Variants in CC2D2A observed in about 807,000 individuals in gnomAD.
The protein encoded by CC2D2A is coiled-coil and C2 domain-containing protein 2A.
In CC2D2A, 155 loss-of-function variants were observed where a neutral mutation model predicts 212.9. That is an observed-to-expected ratio of 0.73 (90% CI 0.64 to 0.83). The LOEUF is 0.83. Ranked by LOEUF, CC2D2A falls within the 40% of genes least tolerant of loss-of-function variation. CC2D2A has a pLI of 0.00. For missense variants in CC2D2A, 1,856 were observed against 1,956.2 expected, an observed-to-expected ratio of 0.95 and a Z score of 0.97; for synonymous variants, 667 against 686.5, an observed-to-expected ratio of 0.97 and a Z score of 0.44.
At chr4:15,587,650 G>C (rs549552451) in intron 31 of CC2D2A, among the ~76,000 whole-genome samples, 166 bp from the exon 32 acceptor site, 2 of 152,046 alleles carry the variant, frequency 1.3e-5, no homozygotes, top group African/African-American at 4.8e-5. Flanking sequence ...ACTAAAAGTG[G>C]TTTTTTAAAA....
chr4:15,559,743 CA>C (rs1719475812), intron 22 of CC2D2A, among the ~76,000 whole-genome samples: 1 of 152,096 alleles, frequency 6.6e-6, no homozygotes, highest in South Asian at 2.1e-4. Flanking sequence ...GCATTTTCCC[CA>C]TCCAGTGTTA....
chr4:15,516,081 A>G lies in CC2D2A; in HGVS notation c.1017+77A>G, dbSNP rs908073232. ...CTTTTATTTTCCTAACAGGGCAGTC[A>G]TTGCATCCACTGTACTCATTTCCTC... On this transcript the variant is annotated intron_variant, in intron 10 of 36. Transcript: ENST00000424120. The G allele has an allele frequency of 7.2e-6, 10 of 1,392,272 alleles. No homozygotes were observed. In the African/African-American group the frequency reaches 1.5e-4, roughly 20 times the overall value. The allele number at this position is 1,392,272 out of a possible 1,614,324, so 86.2% of individuals were successfully genotyped here.
chr4:15,481,507 T>G (rs572849622), intron 4 of CC2D2A: 1 of 187,390 alleles, frequency 5.3e-6, no homozygotes, highest in East Asian at 1.5e-4. Flanking sequence ...CAAGACTCCA[T>G]CTCAGAAAAC....
chr4:15,584,139 A>T (rs903505890), intron 30 of CC2D2A, among the ~76,000 whole-genome samples: 3 of 152,036 alleles, frequency 2.0e-5, no homozygotes, highest in African/African-American at 2.4e-5. Flanking sequence ...TCTTCACAGA[A>T]ATAGAAAAAA....
chr4:15,531,254 G>T (rs1717831978), intron 13 of CC2D2A, among the ~76,000 whole-genome samples: 1 of 152,146 alleles, frequency 6.6e-6, no homozygotes. Context: ...AAGTGGAATG[G>T]AACCTCTCAG....
intron 11 of CC2D2A, among the ~76,000 whole-genome samples, 188 bp downstream of exon 11, chr4:15,516,944 CTTTTTTTT>C (rs397992357): frequency 1.0e-5 from 1 of 95,792 alleles, no homozygotes; most frequent in East Asian, 3.3e-4. Flanking sequence ...TGCATCCCTT[CTTTTTTTT>C]TTTTTTTTTT....
At chr4:15,573,559 G>C (rs997034189) in intron 28 of CC2D2A, among the ~76,000 whole-genome samples, 4 of 152,220 alleles carry the variant, frequency 2.6e-5, no homozygotes, top group African/African-American at 9.6e-5. Context: ...CCAAAGTGCT[G>C]GGATATCTGG....
chr4:15,510,057 T>TG (rs915368131), intron 6 of CC2D2A, 82 bp from the exon 7 acceptor site: 24 of 999,330 alleles, frequency 2.4e-5, no homozygotes, highest in Admixed American at 1.6e-4. Context: ...GCCTTTGGGA[T>TG]GGGGGGGTTA....
chr4:15,546,982 C>G (rs1454803277), intron 17 of CC2D2A, among the ~76,000 whole-genome samples: 1 of 151,882 alleles, frequency 6.6e-6, no homozygotes, highest in Non-Finnish European at 1.5e-5. Flanking sequence ...CCGAAGAAAG[C>G]CATGGGTACT....
intron 18 of CC2D2A, among the ~76,000 whole-genome samples, chr4:15,552,010 A>G (rs1719030569): frequency 6.6e-6 from 1 of 152,210 alleles, no homozygotes; most frequent in African/African-American, 2.4e-5. Context: ...AAATGGATCT[A>G]TTAATAGCTC....
chr4:15,500,922 A>G (rs1344966431), intron 4 of CC2D2A, among the ~76,000 whole-genome samples: 1 of 152,128 alleles, frequency 6.6e-6, no homozygotes, highest in Non-Finnish European at 1.5e-5. Context: ...TTTACTGTTC[A>G]GTCTGGCCCC....
intron 29 of CC2D2A, 105 bp from the exon 30 acceptor site, chr4:15,579,863 C>A: frequency 1.2e-6 from 1 of 867,398 alleles, no homozygotes; most frequent in Non-Finnish European, 1.9e-6. Flanking sequence ...AGGAGTCAGT[C>A]ATATTCCCAA....
intron 4 of CC2D2A, among the ~76,000 whole-genome samples, chr4:15,491,294 T>C (rs146853093): frequency 1.3e-3 from 203 of 152,354 alleles, no homozygotes; most frequent in Non-Finnish European, 1.9e-3. Flanking sequence ...TTACAGTCGA[T>C]GTATAGTGGT....
chr4:15,549,858 C>T (rs1718907212), intron 17 of CC2D2A, among the ~76,000 whole-genome samples: 1 of 152,126 alleles, frequency 6.6e-6, no homozygotes, highest in Non-Finnish European at 1.5e-5. Context: ...GGAAAGAATC[C>T]ATGGTGTCAT....
chr4:15,594,035 C>CT (rs1176580652), intron 33 of CC2D2A, among the ~76,000 whole-genome samples: 1 of 152,058 alleles, frequency 6.6e-6, no homozygotes, highest in Non-Finnish European at 1.5e-5. Flanking sequence ...CTACCCACCT[C>CT]TCTCCCCCTT....
intron 6 of CC2D2A, among the ~76,000 whole-genome samples, chr4:15,505,249 T>C (rs1019659954): frequency 6.6e-6 from 1 of 152,260 alleles, no homozygotes; most frequent in African/African-American, 2.4e-5. Context: ...ATCTCTTTTG[T>C]ATTTCCTTTC....
At chr4:15,484,433 G>A (rs919999876) in intron 4 of CC2D2A, among the ~76,000 whole-genome samples, 23 of 152,162 alleles carry the variant, frequency 1.5e-4, no homozygotes, top group African/African-American at 5.6e-4. Context: ...TCAAGCCCAG[G>A]ACTGATATAA....
At chr4:15,553,369 G>T (rs1719105740) in intron 19 of CC2D2A, 64 bp downstream of exon 19, 1 of 1,533,208 alleles carries the variant, frequency 6.5e-7, no homozygotes, top group South Asian at 1.2e-5. Flanking sequence ...TACCCAAGGG[G>T]AAAGAAAGCT....
rs770084832 is a variant in CC2D2A at position 15,527,444 on chromosome 4, C to A, written c.1150-3C>A. The A allele has an allele frequency of 1.1e-5, 18 of 1,609,664 alleles. No individual in the cohort carries two copies. Among genetic ancestry groups the A allele is most frequent in the Non-Finnish European group, 1.5e-5 (18 of 1,177,292 alleles). On this transcript the variant is annotated splice_region_variant and splice_polypyrimidine_tract_variant and intron_variant, in intron 11 of 36. Transcript: ENST00000424120. ...TCTGTCTACACTCTGCTTTCCTTGGCAGGCTGTAAAATACGTTCACAGTAG... is the reference window on the plus strand; with the variant it reads ...TCTGTCTACACTCTGCTTTCCTTGGAAGGCTGTAAAATACGTTCACAGTAG...
Sources: allele counts gnomAD v4.1 joint callset (sites outside exome capture counted in the v4.1 genomes callset), GRCh38; gene constraint gnomAD v4.1.1; transcripts MANE v1.5; gene names NCBI Gene and HGNC (gene_info 2026-07-23, HGNC 2026-07-21).